PICALM: variants seen among roughly 807,000 people sequenced by gnomAD.
The protein encoded by PICALM is phosphatidylinositol-binding clathrin assembly protein.
Under a neutral mutation model 80.5 loss-of-function variants are expected in PICALM, and 40 were observed. The ratio of observed to expected loss-of-function variants is 0.50; its 90% confidence interval spans 0.39 to 0.65. The LOEUF is 0.65. Ranked by LOEUF, PICALM falls within the 30% of genes least tolerant of loss-of-function variation. The probability of loss-of-function intolerance (pLI) is 0.00; values close to 1 mark genes in which losing one functional copy is unlikely to be tolerated. For synonymous variants in PICALM, 288 were observed against 260.3 expected (o/e 1.11, Z -1.02); for missense variants, 676 against 778.9 (o/e 0.87, Z 1.57).
chr11:86,049,827 T>TA lies in PICALM; in HGVS notation c.131-18217dup, dbSNP rs113468454. 6.2e-3 allele frequency among the ~76,000 whole-genome samples: 874 copies of TA among 140,622 alleles called. 3 individuals carry two copies. The highest frequency in any genetic ancestry group is 0.017 in the East Asian group (81 of 4,884). 92.3% of individuals were successfully genotyped at this position (140,622 alleles called of 152,430 possible). A position where few individuals can be genotyped will look rare whatever the true frequency, so the allele number is the denominator to read the frequency against. ...TGAAGGTAGATGAACTTAGAGAAGTTAAAAAAAAAAAAAGGTACCAACAAT... is the reference window on the plus strand; with the variant it reads ...TGAAGGTAGATGAACTTAGAGAAGTTAAAAAAAAAAAAAAGGTACCAACAAT... On this transcript the variant is annotated intron_variant, in intron 1 of 19. Transcript: ENST00000393346.
intron 7 of PICALM, among the ~76,000 whole-genome samples, chr11:86,008,864 G>A (rs1388922015): frequency 2.3e-4 from 35 of 150,802 alleles, no homozygotes; most frequent in African/African-American, 9.8e-5. Context: ...GCTAAGAGGC[G>A]GGAGGATAGC....
At chr11:85,976,148 T>G (rs1246119139) in intron 18 of PICALM, among the ~76,000 whole-genome samples, 1 of 152,230 alleles carries the variant, frequency 6.6e-6, no homozygotes. Flanking sequence ...AAGGGCAATC[T>G]AAAATGCACA....
intron 10 of PICALM, 22 bp from the exon 11 acceptor site, chr11:86,000,801 A>G (rs778616119): frequency 8.1e-6 from 13 of 1,602,780 alleles, no homozygotes; most frequent in South Asian, 6.7e-5. Flanking sequence ...GGGAACTACC[A>G]TAAGGATTCC....
intron 9 of PICALM, among the ~76,000 whole-genome samples, chr11:86,002,955 T>C (rs923605673): frequency 1.3e-5 from 2 of 151,912 alleles, no homozygotes; most frequent in African/African-American, 4.8e-5. Flanking sequence ...AAGTTGCAAG[T>C]GAGTTGAGAT....
At chr11:85,959,672 T>C (rs1487790192) in intron 19 of PICALM, among the ~76,000 whole-genome samples, 5 of 137,570 alleles carry the variant, frequency 3.6e-5, no homozygotes, top group Non-Finnish European at 7.7e-5. Context: ...TTGGAACTCC[T>C]GGGCTCAAGC....
rs760482423 is a variant in PICALM at position 85,996,856 on chromosome 11, T to C, written c.1228A>G (p.Thr410Ala). Reference protein sequence around the residue: ...TFHPSVHPMSTASQVASTWGD... With the variant: ...TFHPSVHPMSAASQVASTWGD... ...CATGTACTTGCTACCTGAGAAGCAG[T>C]TGACATAGGATGTACAGATGGGTGA... The change falls in exon 12 of 20, where the codon ACT (threonine) becomes GCT (alanine). Residue 410 changes from threonine (T) to alanine (A), a missense_variant. By Grantham distance (58) the Thr-to-Ala change is moderately conservative. Around this residue, in one of 2 missense-constraint regions of PICALM, gnomAD observed 391 missense variants for 383.6 expected, o/e 1.02. Transcript: ENST00000393346. 3.1e-6 allele frequency: 5 copies of C among 1,611,156 alleles called. No individual in the cohort carries two copies. The highest frequency in any genetic ancestry group is 2.2e-5 in the South Asian group (2 of 90,900).
chr11:86,029,009 T>C (rs2095702381), intron 2 of PICALM, among the ~76,000 whole-genome samples: 1 of 152,102 alleles, frequency 6.6e-6, no homozygotes, highest in Admixed American at 6.6e-5. Context: ...GGCTAATTTT[T>C]GTATTTTTTA....
At position 86,068,760 on chromosome 11, in the gene PICALM, C is replaced by T; in HGVS notation, c.21G>A (p.Thr7=). 6.2e-7 allele frequency: 1 copy of T among 1,610,982 alleles called. No individual in the cohort carries two copies. MSGQSL[T]DRITAAQHSV... ...TGTGCTGGGCGGCAGTGATTCGGTC[C>T]GTCAGGCTCTGGCCGGACATCTCTG... is the stretch of plus-strand genomic sequence containing the variant. The change falls in exon 1 of 20, where the codon ACG becomes ACA. Residue 7 remains threonine (T), a synonymous_variant. Transcript: ENST00000393346.
intron 7 of PICALM, among the ~76,000 whole-genome samples, chr11:86,010,814 A>C (rs2095381141): frequency 6.6e-6 from 1 of 152,238 alleles, no homozygotes; most frequent in African/African-American, 2.4e-5. Flanking sequence ...AAAACAGGTA[A>C]CTTTTCAATA....
At chr11:86,026,465 G>T in intron 2 of PICALM, 98 bp from the exon 3 acceptor site, 1 of 654,930 alleles carries the variant, frequency 1.5e-6, no homozygotes, top group South Asian at 1.8e-5. Context: ...ATTCTATTAA[G>T]CTTATCTAGT....
intron 10 of PICALM, 61 bp downstream of exon 10, chr11:86,000,974 C>G: frequency 6.3e-7 from 1 of 1,588,372 alleles, no homozygotes; most frequent in South Asian, 1.1e-5. Flanking sequence ...GTGCAGAGGC[C>G]CCATTTACCT....
intron 3 of PICALM, among the ~76,000 whole-genome samples, chr11:86,023,743 A>C (rs2095604255): frequency 6.6e-6 from 1 of 152,170 alleles, no homozygotes; most frequent in South Asian, 2.1e-4. Flanking sequence ...AGGAAGTGAA[A>C]ATTAAAGGAT....
chr11:85,977,976 A>T (rs1222500467), intron 17 of PICALM: 4 of 913,908 alleles, frequency 4.4e-6, no homozygotes, highest in Non-Finnish European at 7.1e-6. Context: ...TGAATGTGAA[A>T]ACAAGTAATA....
At chr11:86,046,880 C>A (rs2096080452) in intron 1 of PICALM, among the ~76,000 whole-genome samples, 1 of 152,184 alleles carries the variant, frequency 6.6e-6, no homozygotes, top group Non-Finnish European at 1.5e-5. Context: ...TTAAGTGATC[C>A]TCCCACTTTG....
intron 1 of PICALM, among the ~76,000 whole-genome samples, chr11:86,068,434 G>T (rs2096478272): frequency 2.6e-5 from 4 of 152,162 alleles, no homozygotes; most frequent in African/African-American, 9.7e-5. Flanking sequence ...ATAGGGAGGG[G>T]AGTGGCTTGT....
chr11:86,046,249 C>T lies in PICALM; in HGVS notation c.131-14638G>A, dbSNP rs549144752. 2.0e-5 allele frequency among the ~76,000 whole-genome samples: 3 copies of T among 152,248 alleles called. No homozygotes were observed. The East Asian group carries it at 5.8e-4, about 29-fold the overall frequency. On this transcript the variant is annotated intron_variant, in intron 1 of 19. Transcript: ENST00000393346. ...TGGTCCCATCCATTTCCATGTGCTA[C>T]AACTGTACTATAACAAGACTAACCA...
At chr11:85,983,735 G>C (rs1297609275) in intron 14 of PICALM, 131 bp downstream of exon 14, 3 of 486,890 alleles carry the variant, frequency 6.2e-6, no homozygotes, top group East Asian at 3.4e-5. Flanking sequence ...CTAGTGCTTG[G>C]GGGGATGGGA....
In PICALM at chr11:85,977,474, T is replaced by C. The variant is rs375910402; in HGVS notation, c.1780-792A>G. On this transcript the variant is annotated intron_variant, in intron 17 of 19. Coordinates refer to ENST00000393346, the MANE Select transcript of PICALM (RefSeq NM_007166.4). The stretch of plus-strand genomic sequence containing the variant: ...CATTTCCTGTGTGTGTTTCTCATAA[T>C]GAAAACTGAAATTGAATAAAGGTGA... Among the ~76,000 whole-genome samples the C allele has an allele frequency of 1.1e-4, 17 of 152,246 alleles. No homozygotes were observed. In the East Asian group the frequency reaches 1.5e-3, roughly 14 times the overall value.
intron 17 of PICALM, among the ~76,000 whole-genome samples, chr11:85,977,342 C>A (rs1441081231): frequency 1.3e-5 from 2 of 152,194 alleles, no homozygotes; most frequent in East Asian, 3.9e-4. Flanking sequence ...TTAAAAGAAC[C>A]ATCTATCACT....
Sources: allele counts gnomAD v4.1 joint callset (sites outside exome capture counted in the v4.1 genomes callset), GRCh38; gene constraint gnomAD v4.1.1; regional missense constraint gnomAD v4.1.1; transcripts MANE v1.5; gene names NCBI Gene and HGNC (gene_info 2026-07-23, HGNC 2026-07-21).